Variants in CHST8 observed in about 807,000 individuals in gnomAD.
The protein encoded by CHST8 is carbohydrate sulfotransferase 8.
A neutral mutation model predicts 15.0 loss-of-function variants in CHST8; 10 were observed. The ratio of observed to expected loss-of-function variants is 0.67; its 90% confidence interval spans 0.41 to 1.13. The LOEUF is 1.13. Among genes scored for constraint, CHST8 ranks in the 50% most tolerant of loss-of-function variants. The pLI is 0.00. For missense variants in CHST8, 634 were observed against 608.2 expected (o/e 1.04, Z -0.45); for synonymous variants, 259 against 256.6 (o/e 1.01, Z -0.09).
intron 1 of CHST8, among the ~76,000 whole-genome samples, chr19:33,639,604 T>G (rs1313011172): frequency 6.6e-6 from 1 of 152,054 alleles, no homozygotes; most frequent in East Asian, 1.9e-4. Context: ...GGTTAGGATT[T>G]GTAAGTTTTG....
intron 1 of CHST8, among the ~76,000 whole-genome samples, chr19:33,627,106 G>T (rs1253095619): frequency 1.7e-5 from 2 of 115,762 alleles, no homozygotes; most frequent in African/African-American, 3.1e-5. Context: ...TTTGGGGGGG[G>T]GGCGGGTGGG....
At chr19:33,712,135 G>C (rs895179667) in intron 3 of CHST8, among the ~76,000 whole-genome samples, 1 of 152,168 alleles carries the variant, frequency 6.6e-6, no homozygotes. Context: ...CTAGTCACTG[G>C]AATTGTGATG....
At chr19:33,768,563 T>C (rs1245852173) in intron 3 of CHST8, among the ~76,000 whole-genome samples, 9 of 152,280 alleles carry the variant, frequency 5.9e-5, no homozygotes, top group Admixed American at 5.9e-4. Context: ...GTAATTTTCA[T>C]GTCTCAGCCT....
chr19:33,689,385 G>A lies in CHST8; in HGVS notation c.124G>A (p.Val42Met), dbSNP rs371406386. ...CCCTACGGAGCTCGCCCCCCAGCAG[G>A]TGCCAGGTGAGTCCTTGCGCTGAGT... ...QDPTELAPQQ[V>M]PGIKFNIRPR... is the part of the protein sequence containing the mutation. Residue 42 changes from valine to methionine, a missense_variant, in exon 3 of 5, where the codon GTG (valine) becomes ATG (methionine). Coordinates refer to ENST00000650847, the MANE Select transcript of CHST8 (RefSeq NM_001127895.2). 28 of 1,592,676 alleles carry A rather than the reference G, an allele frequency of 1.8e-5. No individual in the cohort carries two copies. Among genetic ancestry groups the A allele is most frequent in the Non-Finnish European group, 2.2e-5 (26 of 1,172,486 alleles).
At chr19:33,757,986 C>T (rs118175568) in intron 3 of CHST8, among the ~76,000 whole-genome samples, 3,281 of 152,256 alleles carry the variant, frequency 0.022, 57 homozygotes, top group East Asian at 0.027. Context: ...AGATTCACCC[C>T]AGCTCTGAAA....
chr19:33,728,061 C>T (rs1973934893), intron 3 of CHST8, among the ~76,000 whole-genome samples: 1 of 152,270 alleles, frequency 6.6e-6, no homozygotes, highest in Admixed American at 6.5e-5. Flanking sequence ...AGGTTCATGG[C>T]CACACCTGTG....
At chr19:33,753,447 CCACCCACCCACCATCCTCCCA>C (rs1974462713) in intron 3 of CHST8, among the ~76,000 whole-genome samples, 1 of 27,252 alleles carries the variant, frequency 3.7e-5, no homozygotes. Flanking sequence ...CATCCTCCCA[CCACCCACCCACCATCCTCCCA>C]CCACCCACCC....
At chr19:33,633,585 G>GA (rs1371396397) in intron 1 of CHST8, among the ~76,000 whole-genome samples, 1 of 150,836 alleles carries the variant, frequency 6.6e-6, no homozygotes, top group Admixed American at 6.6e-5. Context: ...TGTAGAGATG[G>GA]GGGGGTCTCA....
At chr19:33,724,294 C>A (rs971231111) in intron 3 of CHST8, among the ~76,000 whole-genome samples, 8 of 152,150 alleles carry the variant, frequency 5.3e-5, no homozygotes, top group Admixed American at 1.3e-4. Flanking sequence ...GGGCCTGGGA[C>A]CTCCACCATC....
intron 1 of CHST8, among the ~76,000 whole-genome samples, chr19:33,632,346 G>A (rs916362557): frequency 6.6e-6 from 1 of 151,976 alleles, no homozygotes; most frequent in Non-Finnish European, 1.5e-5. Context: ...GTAGAGAAAA[G>A]GTTTTGTCAT....
At chr19:33,705,107 C>G (rs1004450236) in intron 3 of CHST8, among the ~76,000 whole-genome samples, 6 of 152,084 alleles carry the variant, frequency 3.9e-5, no homozygotes, top group Non-Finnish European at 8.8e-5. Context: ...AGACCTGCCC[C>G]CTAGGCCCTA....
At chr19:33,703,350 C>T (rs1474137819) in intron 3 of CHST8, among the ~76,000 whole-genome samples, 2 of 152,250 alleles carry the variant, frequency 1.3e-5, no homozygotes, top group African/African-American at 4.8e-5. Context: ...CTGTTCCTAA[C>T]ACAGGCAGCA....
chr19:33,632,137 CTCTT>C (rs1163509994), intron 1 of CHST8, among the ~76,000 whole-genome samples: 5 of 132,780 alleles, frequency 3.8e-5, no homozygotes, highest in African/African-American at 5.2e-5. Context: ...CTCTCTCTCT[CTCTT>C]TTTTTTTTTT....
chr19:33,686,762 A>C (rs1443835817), intron 2 of CHST8, among the ~76,000 whole-genome samples: 1 of 152,188 alleles, frequency 6.6e-6, no homozygotes, highest in Non-Finnish European at 1.5e-5. Context: ...CAGCTTACTC[A>C]GGGGCTCGCG....
intron 2 of CHST8, among the ~76,000 whole-genome samples, chr19:33,674,417 T>G (rs1972783624): frequency 6.6e-6 from 1 of 152,228 alleles, no homozygotes; most frequent in Non-Finnish European, 1.5e-5. Context: ...TCTGTGAAAT[T>G]TTTAATTACG....
At chr19:33,770,665 A>T (rs1229003943) in intron 3 of CHST8, among the ~76,000 whole-genome samples, 1 of 152,222 alleles carries the variant, frequency 6.6e-6, no homozygotes, top group Non-Finnish European at 1.5e-5. Context: ...GGGGCGTTCC[A>T]GAGCATGGCC....
intron 3 of CHST8, among the ~76,000 whole-genome samples, chr19:33,769,958 C>T (rs1022355676): frequency 2.0e-5 from 3 of 152,178 alleles, no homozygotes; most frequent in Non-Finnish European, 4.4e-5. Flanking sequence ...TTCTGCCTCT[C>T]TTGGGACTTG....
At chr19:33,693,233 C>T (rs1973133698) in intron 3 of CHST8, among the ~76,000 whole-genome samples, 1 of 152,064 alleles carries the variant, frequency 6.6e-6, no homozygotes, top group African/African-American at 2.4e-5. Flanking sequence ...CTCGAATCCC[C>T]AACCTCAGGT....
intron 3 of CHST8, among the ~76,000 whole-genome samples, chr19:33,702,153 T>C (rs563569308): frequency 6.6e-6 from 1 of 152,334 alleles, no homozygotes; most frequent in South Asian, 2.1e-4. Context: ...TTTGTATTTT[T>C]AGTAAAGACG....
Sources: gnomAD v4.1 joint callset for allele counts (sites outside exome capture counted in the v4.1 genomes callset) on GRCh38, gnomAD v4.1.1 for gene constraint, MANE v1.5 for transcripts, NCBI Gene and HGNC (gene_info 2026-07-23, HGNC 2026-07-21) for gene names.